The following DAB1 variants were observed in gnomAD, a reference collection of about 807,000 sequenced individuals.
The protein encoded by DAB1 is disabled homolog 1.
Under a neutral mutation model 64.6 loss-of-function variants are expected in DAB1, and 15 were observed. The observed-to-expected ratio is 0.23, with a 90% CI of 0.16 to 0.36. DAB1 has a LOEUF of 0.36. DAB1 is among the 10% of genes least tolerant of loss of function. The probability of loss-of-function intolerance (pLI) is 1.00; values close to 1 mark genes in which losing one functional copy is unlikely to be tolerated. For missense variants in DAB1, 596 were observed against 706.7 expected, an observed-to-expected ratio of 0.84 and a Z score of 1.78; for synonymous variants, 235 against 251.9, an observed-to-expected ratio of 0.93 and a Z score of 0.64.
At chr1:57,646,833 C>A (rs74077746) in intron 7 of DAB1, among the ~76,000 whole-genome samples, 2,982 of 152,286 alleles carry the variant, frequency 0.02, 81 homozygotes, top group African/African-American at 0.064. Flanking sequence ...CTCTAACCAA[C>A]TGTGGCTCAG....
At chr1:58,143,827 C>T (rs1254925743) in intron 5 of DAB1, among the ~76,000 whole-genome samples, 4 of 152,174 alleles carry the variant, frequency 2.6e-5, no homozygotes, top group Non-Finnish European at 5.9e-5. Context: ...AGTCCCCTCA[C>T]CCAGATCCTT....
intron 5 of DAB1, among the ~76,000 whole-genome samples, chr1:58,062,251 C>T (rs1648547689): frequency 6.6e-6 from 1 of 152,210 alleles, no homozygotes; most frequent in Non-Finnish European, 1.5e-5. Flanking sequence ...TAACTTATGG[C>T]ACTAGACAGT....
At chr1:58,519,744 T>C (rs995822260) in intron 2 of DAB1, among the ~76,000 whole-genome samples, 2 of 151,874 alleles carry the variant, frequency 1.3e-5, no homozygotes, top group African/African-American at 4.8e-5. Flanking sequence ...CATGAATTTT[T>C]AAAAAAATAT....
intron 7 of DAB1, among the ~76,000 whole-genome samples, chr1:57,568,723 A>G (rs1645154562): frequency 6.6e-6 from 1 of 152,170 alleles, no homozygotes. Context: ...CAAAACCACA[A>G]TGAGATACCA....
intron 5 of DAB1, among the ~76,000 whole-genome samples, chr1:57,935,432 G>C (rs12035761): frequency 0.018 from 2,690 of 152,192 alleles, 42 homozygotes; most frequent in East Asian, 0.082. Context: ...GTAGTATTAT[G>C]GTAATTGCTT....
intron 1 of DAB1, among the ~76,000 whole-genome samples, chr1:57,416,421 A>T (rs1684500417): frequency 1.3e-5 from 2 of 152,216 alleles, no homozygotes; most frequent in Non-Finnish European, 2.9e-5. Flanking sequence ...ACATAGCATT[A>T]CAATTTTAAA....
At chr1:58,190,725 G>A (rs1420365468) in intron 4 of DAB1, among the ~76,000 whole-genome samples, 2 of 152,234 alleles carry the variant, frequency 1.3e-5, no homozygotes, top group Admixed American at 6.5e-5. Flanking sequence ...CTTTGAGGCA[G>A]AATGAAAAGG....
chr1:57,727,165 C>T (rs1647225246), intron 6 of DAB1, among the ~76,000 whole-genome samples: 1 of 152,144 alleles, frequency 6.6e-6, no homozygotes, highest in Non-Finnish European at 1.5e-5. Context: ...AGGAAGTGCC[C>T]AGACTCTCAT....
intron 5 of DAB1, among the ~76,000 whole-genome samples, chr1:58,088,244 G>T (rs1650437764): frequency 6.6e-6 from 1 of 152,210 alleles, no homozygotes. Context: ...TTAGGGTATT[G>T]CTTGAACAAC....
intron 7 of DAB1, among the ~76,000 whole-genome samples, chr1:57,430,415 G>A (rs1008520551): frequency 4.8e-4 from 70 of 146,228 alleles, no homozygotes; most frequent in African/African-American, 1.7e-3. Flanking sequence ...TTGCTCTGTC[G>A]CCCAGGCTGG....
intron 2 of DAB1, among the ~76,000 whole-genome samples, chr1:57,272,633 T>C (rs886849043): frequency 6.6e-6 from 1 of 152,198 alleles, no homozygotes; most frequent in African/African-American, 2.4e-5. Context: ...GCCACATAGC[T>C]TAATAAATAA....
intron 4 of DAB1, among the ~76,000 whole-genome samples, chr1:58,303,904 T>G (rs1662230436): frequency 6.6e-6 from 1 of 152,212 alleles, no homozygotes; most frequent in Non-Finnish European, 1.5e-5. Context: ...ATATTTGGTT[T>G]GTTTATTTAT....
Position 57,269,672 on chromosome 1 carries a change from C to A in DAB1, c.67+21292G>T, listed in dbSNP as rs12027861. ...TCTGAATACTCCCTCCAACCTCTCA[C>A]CCTGAGATGCACTTTACTTCACCCC... On this transcript the variant is annotated intron_variant, in intron 2 of 14. Transcript: ENST00000371236. Among the ~76,000 whole-genome samples, 11 of 152,290 alleles carry A rather than the reference C, an allele frequency of 7.2e-5. No individual in the cohort carries two copies. In the East Asian group the frequency reaches 2.1e-3, roughly 29 times the overall value.
At chr1:58,020,873 C>T (rs1646805521) in intron 5 of DAB1, among the ~76,000 whole-genome samples, 1 of 152,098 alleles carries the variant, frequency 6.6e-6, no homozygotes, top group African/African-American at 2.4e-5. Context: ...GGTGATGGCG[C>T]ACACCTGTAA....
At chr1:57,796,433 A>G (rs1650868391) in intron 6 of DAB1, among the ~76,000 whole-genome samples, 1 of 152,122 alleles carries the variant, frequency 6.6e-6, no homozygotes, top group Non-Finnish European at 1.5e-5. Context: ...AGGCTGAGGC[A>G]GGAGAACGGC....
At chr1:57,178,837 AGT>A (rs1167839920) in intron 2 of DAB1, among the ~76,000 whole-genome samples, 4 of 151,138 alleles carry the variant, frequency 2.6e-5, no homozygotes, top group Non-Finnish European at 5.9e-5. Flanking sequence ...CACCTAAGAT[AGT>A]GTGTGGTAGC....
At chr1:58,261,131 A>G (rs1661038916) in intron 4 of DAB1, among the ~76,000 whole-genome samples, 1 of 152,214 alleles carries the variant, frequency 6.6e-6, no homozygotes, top group Non-Finnish European at 1.5e-5. Context: ...ATGTTTGGCC[A>G]TATCCCCGAG....
At chr1:58,481,724 G>A (rs1188191469) in intron 3 of DAB1, among the ~76,000 whole-genome samples, 1 of 152,160 alleles carries the variant, frequency 6.6e-6, no homozygotes, top group Non-Finnish European at 1.5e-5. Context: ...CTGAATCATG[G>A]AGGTGGGTGT....
chr1:57,829,082 C>T (rs923231470), intron 1 of DAB1, among the ~76,000 whole-genome samples: 2 of 152,012 alleles, frequency 1.3e-5, no homozygotes, highest in African/African-American at 4.8e-5. Context: ...TTTTCCCAAC[C>T]CCCACCCCTA....
Sources: gnomAD v4.1 joint callset for allele counts (sites outside exome capture counted in the v4.1 genomes callset) on GRCh38, gnomAD v4.1.1 for gene constraint, MANE v1.5 for transcripts, NCBI Gene and HGNC (gene_info 2026-07-23, HGNC 2026-07-21) for gene names.